The following SYT14 variants were observed in gnomAD, a reference collection of about 807,000 sequenced individuals.
The protein encoded by SYT14 is synaptotagmin 14.
SYT14 carries 32 observed loss-of-function variants against 74.2 expected under a neutral mutation model. The ratio of observed to expected loss-of-function variants is 0.43; its 90% CI spans 0.33 to 0.58. The LOEUF is 0.58. Ranked by LOEUF, SYT14 falls within the 20% of genes least tolerant of loss-of-function variation. The pLI, the probability that SYT14 is intolerant of heterozygous loss-of-function variation, is 0.05. For synonymous variants in SYT14, 298 were observed against 337.7 expected, an observed-to-expected ratio of 0.88 and a Z score of 1.29; for missense variants, 791 against 981.8, an observed-to-expected ratio of 0.81 and a Z score of 2.60.
At chr1:210,138,431 A>G (rs1437114500) in intron 7 of SYT14, among the ~76,000 whole-genome samples, 1 of 152,238 alleles carries the variant, frequency 6.6e-6, no homozygotes, top group Non-Finnish European at 1.5e-5. Context: ...GGGTGGGGAC[A>G]CAGCCAAACC....
chr1:210,051,791 G>C (rs1410263981), intron 5 of SYT14, among the ~76,000 whole-genome samples: 1 of 152,014 alleles, frequency 6.6e-6, no homozygotes, highest in East Asian at 1.9e-4. Context: ...TATTCAGCCA[G>C]TATCCCACGT....
intron 2 of SYT14, among the ~76,000 whole-genome samples, chr1:209,994,877 C>G (rs981565913): frequency 1.1e-4 from 17 of 152,170 alleles, no homozygotes; most frequent in African/African-American, 4.1e-4. Context: ...AGAATTTCAT[C>G]TCTTACCAAA....
chr1:210,115,954 A>AG (rs1284435404), intron 7 of SYT14, among the ~76,000 whole-genome samples: 1 of 150,680 alleles, frequency 6.6e-6, no homozygotes, highest in Non-Finnish European at 1.5e-5. Flanking sequence ...CAGCGAAGAG[A>AG]GGTAGGGGTG....
intron 2 of SYT14, among the ~76,000 whole-genome samples, chr1:209,994,747 C>G (rs1302939284): frequency 6.6e-6 from 1 of 152,150 alleles, no homozygotes; most frequent in African/African-American, 2.4e-5. Flanking sequence ...AAAGAAGGGT[C>G]AAGTCACATA....
chr1:210,139,976 C>G (rs1383345839), intron 7 of SYT14, among the ~76,000 whole-genome samples: 1 of 152,112 alleles, frequency 6.6e-6, no homozygotes, highest in African/African-American at 2.4e-5. Context: ...TTTCATTTCT[C>G]TTGAGTATAT....
chr1:210,090,131 C>T (rs1306648764), intron 5 of SYT14, among the ~76,000 whole-genome samples: 1 of 152,134 alleles, frequency 6.6e-6, no homozygotes, highest in African/African-American at 2.4e-5. Flanking sequence ...TTTTCATCTG[C>T]CACACAGTGC....
chr1:210,016,005 T>A, exon 4 of SYT14: 1 of 1,232,014 alleles, frequency 8.1e-7, no homozygotes, highest in Non-Finnish European at 1.0e-6. Context: ...AATTAGAAAA[T>A]GGCATTTTTC....
At chr1:209,946,377 A>G (rs1419571456) in intron 1 of SYT14, among the ~76,000 whole-genome samples, 3 of 152,210 alleles carry the variant, frequency 2.0e-5, no homozygotes, top group East Asian at 3.8e-4. Flanking sequence ...TCTTGAAGGA[A>G]ATTAACAGTG....
At chr1:210,013,528 A>G in intron 2 of SYT14, 105 bp from the exon 3 acceptor site, 1 of 1,118,928 alleles carries the variant, frequency 8.9e-7, no homozygotes, top group Non-Finnish European at 1.3e-6. Context: ...ATTAAAAAAT[A>G]TAATTCAAAT....
At chr1:210,043,418 G>A (rs935637991) in intron 5 of SYT14, among the ~76,000 whole-genome samples, 17 of 136,548 alleles carry the variant, frequency 1.2e-4, no homozygotes, top group African/African-American at 4.9e-4. Context: ...AAAAGTTTTG[G>A]AATCTTTGTT....
intron 2 of SYT14, among the ~76,000 whole-genome samples, chr1:210,006,362 G>T (rs1236365770): frequency 6.6e-6 from 1 of 151,790 alleles, no homozygotes; most frequent in African/African-American, 2.4e-5. Context: ...CTAACCTTCT[G>T]TTTTCCTAAA....
intron 6 of SYT14, among the ~76,000 whole-genome samples, chr1:210,095,663 A>G (rs1390378475): frequency 2.6e-5 from 4 of 152,234 alleles, no homozygotes; most frequent in Non-Finnish European, 5.9e-5. Flanking sequence ...ATCTGCTGCC[A>G]AAATTAAATA....
chr1:210,051,150 AT>A (rs1397793049), intron 5 of SYT14, among the ~76,000 whole-genome samples: 1 of 152,152 alleles, frequency 6.6e-6, no homozygotes, highest in Non-Finnish European at 1.5e-5. Context: ...TCCTAGCAAA[AT>A]TCATGTATGT....
chr1:209,963,764 G>T (rs921674439), intron 2 of SYT14, among the ~76,000 whole-genome samples: 1 of 152,128 alleles, frequency 6.6e-6, no homozygotes, highest in South Asian at 2.1e-4. Context: ...GACAGATTTG[G>T]TGATGATTTC....
chr1:210,115,862 G>A (rs1423253791), intron 7 of SYT14, among the ~76,000 whole-genome samples: 1 of 151,328 alleles, frequency 6.6e-6, no homozygotes, highest in Non-Finnish European at 1.5e-5. Context: ...GTGCATCTGT[G>A]TGAAGAGACC....
chr1:210,131,211 C>T (rs1042252471), intron 7 of SYT14, among the ~76,000 whole-genome samples: 1 of 152,134 alleles, frequency 6.6e-6, no homozygotes, highest in Non-Finnish European at 1.5e-5. Flanking sequence ...CTACTACCAT[C>T]ACCGCTGTGA....
Position 210,162,802 on chromosome 1 carries a change from A to G in SYT14, c.*1760A>G, listed in dbSNP as rs554738886. ...TAAAAAATGGCAGCTCTATGCATTC[A>G]TACACATGAATTATAAGAAAAAATA... On this transcript the variant is annotated 3_prime_UTR_variant, in exon 10 of 10. Transcript: ENST00000637265. 45 of 451,222 alleles carry G rather than the reference A, an allele frequency of 1.0e-4. 1 individual carries two copies. The East Asian group carries it at 3.1e-3, about 31-fold the overall frequency. The allele number at this position is 451,222 out of a possible 1,614,324, so 28.0% of individuals were successfully genotyped here.
At chr1:210,126,708 TG>T (rs1210262417) in intron 7 of SYT14, among the ~76,000 whole-genome samples, 1 of 152,226 alleles carries the variant, frequency 6.6e-6, no homozygotes, top group East Asian at 1.9e-4. Flanking sequence ...TCATCGGTAC[TG>T]GTATGCTGCT....
chr1:210,147,927 G>A (rs1337919199), intron 7 of SYT14, among the ~76,000 whole-genome samples: 1 of 152,082 alleles, frequency 6.6e-6, no homozygotes, highest in Non-Finnish European at 1.5e-5. Flanking sequence ...AGCCCATCCT[G>A]AGCCCAGAGT....
Sources: allele counts gnomAD v4.1 joint callset (sites outside exome capture counted in the v4.1 genomes callset), GRCh38; gene constraint gnomAD v4.1.1; transcripts MANE v1.5; gene names NCBI Gene and HGNC (gene_info 2026-07-23, HGNC 2026-07-21).